The following GRM8 variants were observed in gnomAD, a reference collection of about 807,000 sequenced individuals.
GRM8 encodes the protein metabotropic glutamate receptor 8.
In GRM8, 47 loss-of-function variants were observed where a neutral mutation model predicts 87.2. The observed-to-expected ratio is 0.54, with a 90% CI of 0.43 to 0.69. The LOEUF (loss-of-function observed/expected upper bound fraction) is 0.69, where lower values mean the gene tolerates loss of function less well. Ranked by LOEUF, GRM8 falls within the 30% of genes least tolerant of loss-of-function variation. GRM8 has a pLI of 0.00. For missense variants in GRM8, 1,019 were observed against 1,139.2 expected (o/e 0.89, Z 1.52); for synonymous variants, 396 against 404.5 (o/e 0.98, Z 0.25).
chr7:126,742,237 A>G (rs920692898), intron 7 of GRM8, among the ~76,000 whole-genome samples: 2 of 152,062 alleles, frequency 1.3e-5, no homozygotes, highest in African/African-American at 4.8e-5. Flanking sequence ...AATTAAATTA[A>G]AATATTGTAA....
At chr7:126,932,016 T>A (rs1805818897) in intron 3 of GRM8, among the ~76,000 whole-genome samples, 1 of 152,178 alleles carries the variant, frequency 6.6e-6, no homozygotes, top group East Asian at 1.9e-4. Context: ...CTTCTTTAAT[T>A]TATCCTGTAA....
chr7:127,017,222 T>A (rs955243684), intron 3 of GRM8, among the ~76,000 whole-genome samples: 4 of 152,084 alleles, frequency 2.6e-5, no homozygotes, highest in African/African-American at 9.7e-5. Context: ...TCACGACCTA[T>A]TTTAAGTAGC....
intron 3 of GRM8, among the ~76,000 whole-genome samples, chr7:127,102,470 C>A (rs1243072769): frequency 6.6e-6 from 1 of 152,160 alleles, no homozygotes; most frequent in Non-Finnish European, 1.5e-5. Flanking sequence ...TTTCATGGGC[C>A]AGGTCCAGGG....
intron 6 of GRM8, among the ~76,000 whole-genome samples, chr7:126,784,803 G>A (rs531057208): frequency 7.9e-5 from 12 of 152,132 alleles, no homozygotes; most frequent in Non-Finnish European, 1.8e-4. Flanking sequence ...TTTAGTAAGT[G>A]ATAAGCCAAG....
At chr7:126,724,931 T>C (rs1194613474) in intron 7 of GRM8, among the ~76,000 whole-genome samples, 5 of 152,182 alleles carry the variant, frequency 3.3e-5, no homozygotes, top group African/African-American at 1.2e-4. Context: ...CACATTCTTA[T>C]ATATAGCTGG....
At chr7:126,442,053 T>G (rs1025957435) in intron 10 of GRM8, among the ~76,000 whole-genome samples, 1 of 151,986 alleles carries the variant, frequency 6.6e-6, no homozygotes. Context: ...GTTTTATCAC[T>G]GGTTCAAAAC....
At chr7:126,521,206 G>A (rs1307707314) in intron 9 of GRM8, among the ~76,000 whole-genome samples, 1 of 152,124 alleles carries the variant, frequency 6.6e-6, no homozygotes, top group Non-Finnish European at 1.5e-5. Flanking sequence ...TGTAATTTGA[G>A]TCTTAGTGTA....
At chr7:127,135,704 G>C (rs1218375968) in intron 2 of GRM8, among the ~76,000 whole-genome samples, 2 of 151,014 alleles carry the variant, frequency 1.3e-5, no homozygotes, top group Non-Finnish European at 2.9e-5. Context: ...CATGCAATTG[G>C]GCAGAGAGAT....
intron 2 of GRM8, among the ~76,000 whole-genome samples, chr7:127,161,089 T>C (rs1481436323): frequency 1.3e-5 from 2 of 152,166 alleles, no homozygotes; most frequent in African/African-American, 4.8e-5. Context: ...TTCTTTATCA[T>C]ACACTTAAAA....
chr7:126,501,953 G>A (rs1282264505), intron 9 of GRM8, among the ~76,000 whole-genome samples: 1 of 151,968 alleles, frequency 6.6e-6, no homozygotes, highest in African/African-American at 2.4e-5. Context: ...CTCATAGAAT[G>A]TTTGCAGGGC....
intron 7 of GRM8, among the ~76,000 whole-genome samples, chr7:126,723,436 C>A (rs1292772212): frequency 6.6e-6 from 1 of 151,860 alleles, no homozygotes; most frequent in African/African-American, 2.4e-5. Context: ...GCAAACTGAT[C>A]TGGAATAAAG....
At chr7:126,963,413 T>A (rs1281421154) in intron 3 of GRM8, among the ~76,000 whole-genome samples, 1 of 152,216 alleles carries the variant, frequency 6.6e-6, no homozygotes, top group Non-Finnish European at 1.5e-5. Context: ...CATGATTATA[T>A]ATTTAGAAAA....
intron 2 of GRM8, among the ~76,000 whole-genome samples, chr7:127,198,996 C>T (rs958610649): frequency 6.6e-6 from 1 of 152,122 alleles, no homozygotes; most frequent in African/African-American, 2.4e-5. Flanking sequence ...CATATGCCAC[C>T]ATGCCTGGCT....
intron 2 of GRM8, among the ~76,000 whole-genome samples, chr7:127,182,852 CA>C (rs1274495814): frequency 4.7e-5 from 7 of 150,060 alleles, no homozygotes; most frequent in Admixed American, 4.7e-4. Context: ...GCTATGAGGA[CA>C]AAAAGGCATA....
intron 8 of GRM8, among the ~76,000 whole-genome samples, chr7:126,600,809 T>C (rs571123521): frequency 1.3e-5 from 2 of 152,280 alleles, no homozygotes; most frequent in African/African-American, 2.4e-5. Flanking sequence ...CAAAATGACT[T>C]TTTGAAAGAA....
intron 7 of GRM8, among the ~76,000 whole-genome samples, chr7:126,706,966 G>A (rs1810591064): frequency 6.6e-6 from 1 of 152,030 alleles, no homozygotes; most frequent in Non-Finnish European, 1.5e-5. Context: ...CCACCTTATA[G>A]CTGCTCTCTC....
chr7:127,058,223 C>A, intron 3 of GRM8: 1 of 471,418 alleles, frequency 2.1e-6, no homozygotes, highest in Non-Finnish European at 4.3e-6. Flanking sequence ...CACAGCCTGG[C>A]CCCAGGAAGG....
intron 6 of GRM8, among the ~76,000 whole-genome samples, chr7:126,877,771 C>T (rs1327781556): frequency 2.0e-5 from 3 of 152,126 alleles, no homozygotes; most frequent in South Asian, 4.1e-4. Flanking sequence ...ACTGCTCTTC[C>T]CCATGTTGTT....
intron 7 of GRM8, among the ~76,000 whole-genome samples, chr7:126,618,505 AC>A (rs1799768524): frequency 6.6e-6 from 1 of 152,254 alleles, no homozygotes. Flanking sequence ...AGCAATGGCA[AC>A]AAAAGTCAAA....
Sources: allele counts gnomAD v4.1 joint callset (sites outside exome capture counted in the v4.1 genomes callset), GRCh38; gene constraint gnomAD v4.1.1; transcripts MANE v1.5; gene names NCBI Gene and HGNC (gene_info 2026-07-23, HGNC 2026-07-21).